The following DGKB variants were observed in gnomAD, a reference collection of about 807,000 sequenced individuals.
DGKB encodes the protein diacylglycerol kinase beta.
Under a neutral mutation model 114.3 loss-of-function variants are expected in DGKB, and 67 were observed. The observed-to-expected ratio is 0.59, with a 90% CI of 0.48 to 0.72. DGKB has a LOEUF of 0.72. Among genes scored for constraint, DGKB ranks in the 30% least tolerant of loss-of-function variants. The pLI, the probability that DGKB is intolerant of heterozygous loss-of-function variation, is 0.00. For synonymous variants in DGKB, 398 were observed against 323.1 expected, an observed-to-expected ratio of 1.23 and a Z score of -2.49; for missense variants, 907 against 975.2, an observed-to-expected ratio of 0.93 and a Z score of 0.93.
intron 1 of DGKB, among the ~76,000 whole-genome samples, chr7:14,934,319 T>C (rs979900112): frequency 2.6e-5 from 4 of 152,188 alleles, no homozygotes; most frequent in African/African-American, 9.6e-5. Context: ...AGAAACATTA[T>C]GTATTTTTGT....
intron 25 of DGKB, 62 bp downstream of exon 25, chr7:14,176,777 A>T (rs760433204): frequency 6.4e-7 from 1 of 1,567,832 alleles, no homozygotes; most frequent in Non-Finnish European, 8.7e-7. Context: ...TATTGTGGTT[A>T]TTTAGTCAAA....
chr7:14,311,732 T>G (rs1805425185), intron 23 of DGKB, among the ~76,000 whole-genome samples: 1 of 152,218 alleles, frequency 6.6e-6, no homozygotes, highest in South Asian at 2.1e-4. Context: ...GGTCATTTTT[T>G]TAATCTTTAT....
At chr7:14,825,734 A>G (rs1845620197) in intron 2 of DGKB, among the ~76,000 whole-genome samples, 1 of 152,146 alleles carries the variant, frequency 6.6e-6, no homozygotes, top group African/African-American at 2.4e-5. Flanking sequence ...CCTGTTTTAG[A>G]TCAACTAAGC....
chr7:14,467,880 T>C (rs1454773257), intron 21 of DGKB, among the ~76,000 whole-genome samples: 1 of 152,114 alleles, frequency 6.6e-6, no homozygotes, highest in African/African-American at 2.4e-5. Flanking sequence ...AGATTACCTA[T>C]AATGAGGTGA....
intron 5 of DGKB, among the ~76,000 whole-genome samples, chr7:14,729,349 C>T (rs896382559): frequency 1.3e-5 from 2 of 151,912 alleles, no homozygotes; most frequent in Non-Finnish European, 2.9e-5. Context: ...GTCTCGATCT[C>T]CTGACCTTGT....
chr7:14,461,970 T>G (rs1380558501), intron 21 of DGKB, among the ~76,000 whole-genome samples: 2 of 152,196 alleles, frequency 1.3e-5, no homozygotes, highest in African/African-American at 2.4e-5. Context: ...TCAGTAACTG[T>G]AATCCATCAC....
At chr7:14,363,850 T>C (rs1816183024) in intron 21 of DGKB, among the ~76,000 whole-genome samples, 1 of 152,012 alleles carries the variant, frequency 6.6e-6, no homozygotes. Context: ...ACTCTTAGAG[T>C]GGAAACTAAG....
chr7:14,424,551 A>G (rs1417986433), intron 21 of DGKB, among the ~76,000 whole-genome samples: 1 of 152,078 alleles, frequency 6.6e-6, no homozygotes, highest in Non-Finnish European at 1.5e-5. Context: ...TGCTAAATGT[A>G]TTATATCTGC....
At chr7:14,849,714 G>T (rs942358125) in intron 1 of DGKB, among the ~76,000 whole-genome samples, 13 of 152,082 alleles carry the variant, frequency 8.5e-5, no homozygotes, top group Admixed American at 3.3e-4. Flanking sequence ...ATTACCTAAT[G>T]TTATCCTCCA....
intron 22 of DGKB, among the ~76,000 whole-genome samples, chr7:14,342,028 C>T (rs888407025): frequency 1.3e-5 from 2 of 151,782 alleles, no homozygotes; most frequent in Admixed American, 6.6e-5. Flanking sequence ...ACACATGGGG[C>T]AGAGACTATG....
At chr7:14,209,849 T>G (rs1396747202) in intron 23 of DGKB, among the ~76,000 whole-genome samples, 1 of 152,122 alleles carries the variant, frequency 6.6e-6, no homozygotes, top group South Asian at 2.1e-4. Context: ...ATTATCATTT[T>G]GTTAAGCTAT....
intron 23 of DGKB, among the ~76,000 whole-genome samples, chr7:14,188,609 T>C (rs1471723734): frequency 8.0e-6 from 1 of 125,080 alleles, no homozygotes; most frequent in African/African-American, 3.2e-5. Flanking sequence ...GCAGTGAGCC[T>C]AGATCCCGCC....
At chr7:14,569,189 T>G (rs1251798817) in intron 20 of DGKB, among the ~76,000 whole-genome samples, 1 of 152,154 alleles carries the variant, frequency 6.6e-6, no homozygotes, top group Non-Finnish European at 1.5e-5. Context: ...CATTGAGATT[T>G]TGTGTCCCTG....
chr7:14,166,251 C>G (rs1454208872), intron 25 of DGKB, among the ~76,000 whole-genome samples: 1 of 152,144 alleles, frequency 6.6e-6, no homozygotes, highest in African/African-American at 2.4e-5. Context: ...AACAACTAAA[C>G]TTTTTTGGTC....
At chr7:14,663,634 CTCCCTTCCT>C (rs1457687649) in intron 13 of DGKB, among the ~76,000 whole-genome samples, 3 of 145,354 alleles carry the variant, frequency 2.1e-5, no homozygotes, top group African/African-American at 7.6e-5. Context: ...TCCTCCCTTC[CTCCCTTCCT>C]TCCTTCCCTC....
chr7:14,739,727 C>G (rs192669999), intron 4 of DGKB, among the ~76,000 whole-genome samples: 1 of 152,298 alleles, frequency 6.6e-6, no homozygotes. Context: ...TTTCTGAAGG[C>G]AGAGGAAACT....
chr7:14,417,544 CAG>C (rs1825897275), intron 21 of DGKB, among the ~76,000 whole-genome samples: 1 of 151,922 alleles, frequency 6.6e-6, no homozygotes, highest in South Asian at 2.1e-4. Flanking sequence ...TGAACCTCAA[CAG>C]AGAAGTTTGA....
At chr7:14,548,334 T>C (rs1432432134) in intron 20 of DGKB, among the ~76,000 whole-genome samples, 1 of 152,198 alleles carries the variant, frequency 6.6e-6, no homozygotes, top group Non-Finnish European at 1.5e-5. Flanking sequence ...GTGTAAAATG[T>C]GATTAAGATT....
chr7:14,216,530 A>C (rs1788985661), intron 23 of DGKB, among the ~76,000 whole-genome samples: 1 of 152,032 alleles, frequency 6.6e-6, no homozygotes, highest in African/African-American at 2.4e-5. Flanking sequence ...GTTCGAAACC[A>C]GCCTGGCCAA....
Sources: allele counts gnomAD v4.1 joint callset (sites outside exome capture counted in the v4.1 genomes callset), GRCh38; gene constraint gnomAD v4.1.1; transcripts MANE v1.5; gene names NCBI Gene and HGNC (gene_info 2026-07-23, HGNC 2026-07-21).